Variants in SSBP2 observed in about 807,000 individuals in gnomAD.
SSBP2 encodes single-stranded DNA-binding protein 2.
A neutral mutation model predicts 61.8 loss-of-function variants in SSBP2; 17 were observed. The observed-to-expected ratio is 0.28, with a 90% CI of 0.19 to 0.41. SSBP2 has a LOEUF of 0.41. Among genes scored for constraint, SSBP2 ranks in the 10% least tolerant of loss-of-function variants. SSBP2 has a pLI of 1.00. For synonymous variants in SSBP2, 139 were observed against 141.3 expected, an observed-to-expected ratio of 0.98 and a Z score of 0.12; for missense variants, 310 against 458.7, an observed-to-expected ratio of 0.68 and a Z score of 2.96.
chr5:81,590,104 G>A (rs1775383027), intron 4 of SSBP2, among the ~76,000 whole-genome samples: 1 of 152,040 alleles, frequency 6.6e-6, no homozygotes, highest in Non-Finnish European at 1.5e-5. Flanking sequence ...CCATCAATGA[G>A]TTCAAACTGT....
intron 6 of SSBP2, among the ~76,000 whole-genome samples, chr5:81,486,987 T>C (rs1766434557): frequency 6.6e-6 from 1 of 152,168 alleles, no homozygotes; most frequent in East Asian, 1.9e-4. Flanking sequence ...GATAGCATAA[T>C]TTCAGTAAGA....
chr5:81,660,849 T>G (rs1359113633), intron 1 of SSBP2, among the ~76,000 whole-genome samples: 1 of 152,076 alleles, frequency 6.6e-6, no homozygotes, highest in Admixed American at 6.6e-5. Flanking sequence ...GAGATCATGT[T>G]CTCTGCAGGG....
At chr5:81,479,220 A>G (rs778605876) in intron 6 of SSBP2, among the ~76,000 whole-genome samples, 16 of 152,216 alleles carry the variant, frequency 1.1e-4, no homozygotes, top group Non-Finnish European at 2.1e-4. Context: ...TATTATTTCT[A>G]TATTTATAAC....
intron 1 of SSBP2, among the ~76,000 whole-genome samples, chr5:81,748,020 G>A (rs1757465066): frequency 6.6e-6 from 1 of 152,078 alleles, no homozygotes; most frequent in Non-Finnish European, 1.5e-5. Flanking sequence ...TGAAATTACA[G>A]GAATTGTGTA....
At chr5:81,727,836 T>C (rs1467949957) in intron 1 of SSBP2, among the ~76,000 whole-genome samples, 3 of 152,106 alleles carry the variant, frequency 2.0e-5, no homozygotes, top group Non-Finnish European at 4.4e-5. Flanking sequence ...AGTCTACTAG[T>C]AATTAACTAA....
chr5:81,489,292 C>G lies in SSBP2; in HGVS notation c.390G>C (p.Arg130=), dbSNP rs762027310. Residue 130 remains arginine, a synonymous_variant, in exon 6 of 17, where the codon CGG becomes CGC. Transcript: ENST00000320672. ...ATGGGGGCCTTGGACCTCCAGGGTA[C>G]CGAGGTGACATAAAAGGCTATTGAA... is the stretch of plus-strand genomic sequence containing the variant. 1.2e-6 allele frequency: 2 copies of G among 1,607,532 alleles called. No homozygotes were observed. The highest frequency in any genetic ancestry group is 3.4e-5 in the Admixed American group (2 of 58,298).
At chr5:81,457,531 A>G (rs1352523132) in intron 10 of SSBP2, among the ~76,000 whole-genome samples, 1 of 152,202 alleles carries the variant, frequency 6.6e-6, no homozygotes, top group Non-Finnish European at 1.5e-5. Context: ...AATAAGTACA[A>G]GGGGAAAAAT....
At chr5:81,706,263 G>C (rs1015827145) in intron 1 of SSBP2, among the ~76,000 whole-genome samples, 4 of 152,110 alleles carry the variant, frequency 2.6e-5, no homozygotes, top group Admixed American at 6.6e-5. Context: ...TTCTCATTTA[G>C]AAGTGGGAGC....
At chr5:81,707,048 TATGGCCCTGAGGAACA>T (rs777429525) in intron 1 of SSBP2, among the ~76,000 whole-genome samples, 1 of 152,198 alleles carries the variant, frequency 6.6e-6, no homozygotes, top group Non-Finnish European at 1.5e-5. Flanking sequence ...TAGATAACTC[TATGGCCCTGAGGAACA>T]AAACAGGAAT....
chr5:81,584,114 G>T (rs1774888849), intron 4 of SSBP2, among the ~76,000 whole-genome samples: 1 of 152,066 alleles, frequency 6.6e-6, no homozygotes, highest in South Asian at 2.1e-4. Flanking sequence ...AAATTAGCCA[G>T]TTATAGAGCT....
intron 4 of SSBP2, among the ~76,000 whole-genome samples, chr5:81,523,103 T>G (rs1289151529): frequency 6.6e-6 from 1 of 152,012 alleles, no homozygotes; most frequent in Non-Finnish European, 1.5e-5. Flanking sequence ...GGCTGGTGAT[T>G]TCTACAAAAG....
At chr5:81,522,568 A>G (rs1166665174) in intron 4 of SSBP2, among the ~76,000 whole-genome samples, 1 of 152,156 alleles carries the variant, frequency 6.6e-6, no homozygotes, top group African/African-American at 2.4e-5. Context: ...TAAAATGCAG[A>G]TATTTCTAAC....
chr5:81,425,189 G>A (rs952869158), intron 16 of SSBP2, among the ~76,000 whole-genome samples: 8 of 152,240 alleles, frequency 5.3e-5, no homozygotes, highest in Admixed American at 3.3e-4. Flanking sequence ...AGATTTCCAT[G>A]AAGTCTTTGA....
rs1485476168 is a variant in SSBP2 at position 81,750,323 on chromosome 5, G to C, written c.62+658C>G. On this transcript the variant is annotated intron_variant, in intron 1 of 16. Transcript: ENST00000320672. Reference sequence around the variant, plus strand: ...CCGCGTCCGTAGCTGGCCCAGGAAAGCCCGGACGCCCAACCCGCACACGCC... The same window carrying C: ...CCGCGTCCGTAGCTGGCCCAGGAAACCCCGGACGCCCAACCCGCACACGCC... Among the ~76,000 whole-genome samples the C allele has an allele frequency of 1.3e-4, 18 of 139,430 alleles. No homozygotes were observed. The Admixed American group carries it at 1.4e-3, about 11-fold the overall frequency. The allele number at this position is 139,430 out of a possible 152,430, so 91.5% of individuals were successfully genotyped here.
At chr5:81,439,940 G>A (rs560860714) in intron 14 of SSBP2, among the ~76,000 whole-genome samples, 144 of 151,790 alleles carry the variant, frequency 9.5e-4, no homozygotes, top group Non-Finnish European at 1.3e-3. Flanking sequence ...CAAAGTGCTG[G>A]GATTACAAAT....
intron 3 of SSBP2, among the ~76,000 whole-genome samples, chr5:81,621,962 C>G (rs1371131943): frequency 6.9e-4 from 57 of 82,972 alleles, no homozygotes; most frequent in African/African-American, 1.5e-3. Context: ...GTGGTGGGGT[C>G]GGGGGAGGGG....
intron 3 of SSBP2, among the ~76,000 whole-genome samples, chr5:81,635,358 C>T (rs1748112675): frequency 6.6e-6 from 1 of 152,050 alleles, no homozygotes; most frequent in South Asian, 2.1e-4. Context: ...TAACTTATTC[C>T]CCCCTTGTTC....
chr5:81,650,300 T>C lies in SSBP2; in HGVS notation c.102A>G (p.Gly34=), dbSNP rs760586925. 2 of 1,593,620 alleles carry C rather than the reference T, an allele frequency of 1.3e-6. No homozygotes were observed. The highest frequency in any genetic ancestry group is 1.7e-6 in the Non-Finnish European group (2 of 1,170,546). Residue 34 remains glycine, a synonymous_variant, in exon 2 of 17, where the codon GGA becomes GGG. Transcript: ENST00000320672. Reference sequence around the variant, plus strand: ...AAAATGTTTGAGCTGATTTCTGAGCTCCTACATGGAGCAGATATTCATATA... The same window carrying C: ...AAAATGTTTGAGCTGATTTCTGAGCCCCTACATGGAGCAGATATTCATATA...
intron 1 of SSBP2, among the ~76,000 whole-genome samples, chr5:81,729,159 G>C (rs1373327787): frequency 6.6e-6 from 1 of 151,756 alleles, no homozygotes. Flanking sequence ...AATGTTAATG[G>C]GTTAAAAAAT....
Sources: allele counts gnomAD v4.1 joint callset (sites outside exome capture counted in the v4.1 genomes callset), GRCh38; gene constraint gnomAD v4.1.1; transcripts MANE v1.5; gene names NCBI Gene and HGNC (gene_info 2026-07-23, HGNC 2026-07-21).